The following SUMF1 variants were observed in gnomAD, a reference collection of about 807,000 sequenced individuals.
SUMF1 encodes formylglycine-generating enzyme.
Under a neutral mutation model 47.6 loss-of-function variants are expected in SUMF1, and 48 were observed. The ratio of observed to expected loss-of-function variants is 1.01; its 90% CI spans 0.80 to 1.28. The LOEUF (loss-of-function observed/expected upper bound fraction) is 1.28. Ranked by LOEUF, SUMF1 falls within the 50% of genes most tolerant of loss-of-function variation. The probability of loss-of-function intolerance (pLI) is 0.00; values close to 1 mark genes in which losing one functional copy is unlikely to be tolerated. For missense variants in SUMF1, 571 were observed against 485.4 expected (o/e 1.18, Z -1.66); for synonymous variants, 230 against 192.1 (o/e 1.20, Z -1.63).
chr3:4,044,425 G>A (rs1694969750), intron 9 of SUMF1, among the ~76,000 whole-genome samples: 2 of 152,134 alleles, frequency 1.3e-5, no homozygotes, highest in South Asian at 2.1e-4. Flanking sequence ...TGAAATGGTT[G>A]CCCAAAATGA....
At chr3:4,409,848 T>A (rs183881050) in intron 7 of SUMF1, among the ~76,000 whole-genome samples, 2 of 152,334 alleles carry the variant, frequency 1.3e-5, no homozygotes, top group East Asian at 3.9e-4. Flanking sequence ...GAAGAAAAAT[T>A]AAGCATATCC....
intron 2 of SUMF1, among the ~76,000 whole-genome samples, chr3:4,452,075 C>T (rs557232243): frequency 6.6e-6 from 1 of 151,528 alleles, no homozygotes; most frequent in South Asian, 2.1e-4. Flanking sequence ...TTACTTTAAA[C>T]ATTCACTCTC....
intron 8 of SUMF1, chr3:4,316,237 A>C (rs1314555963): frequency 2.7e-6 from 2 of 734,396 alleles, no homozygotes; most frequent in African/African-American, 3.5e-5. Flanking sequence ...TTAGACAAAA[A>C]GCAAATTCGA....
intron 8 of SUMF1, among the ~76,000 whole-genome samples, chr3:4,081,467 C>T (rs895209829): frequency 6.6e-6 from 1 of 152,224 alleles, no homozygotes; most frequent in African/African-American, 2.4e-5. Flanking sequence ...CAGCTCTTTA[C>T]ATTATACACC....
intron 8 of SUMF1, among the ~76,000 whole-genome samples, chr3:4,285,857 G>A (rs1697622336): frequency 6.6e-6 from 1 of 151,890 alleles, no homozygotes; most frequent in South Asian, 2.1e-4. Context: ...CACTATAATA[G>A]CAATGCAATA....
At chr3:4,145,833 C>G (rs1346758283) in intron 8 of SUMF1, among the ~76,000 whole-genome samples, 1 of 152,128 alleles carries the variant, frequency 6.6e-6, no homozygotes, top group Non-Finnish European at 1.5e-5. Context: ...ATACTTCTGT[C>G]AAAAGGCTTC....
chr3:4,170,279 A>G (rs907359168), intron 8 of SUMF1, among the ~76,000 whole-genome samples: 4 of 152,216 alleles, frequency 2.6e-5, no homozygotes, highest in African/African-American at 9.6e-5. Flanking sequence ...ATCTATATCA[A>G]TGGTTCTCAA....
At chr3:4,198,708 G>C (rs574512597) in intron 8 of SUMF1, among the ~76,000 whole-genome samples, 1 of 151,932 alleles carries the variant, frequency 6.6e-6, no homozygotes, top group Non-Finnish European at 1.5e-5. Context: ...AGATCTGAGG[G>C]GAGCCTACCT....
At chr3:4,312,864 C>G in intron 8 of SUMF1, 1 of 1,558,240 alleles carries the variant, frequency 6.4e-7, no homozygotes, top group Non-Finnish European at 8.7e-7. Flanking sequence ...ATATGACATG[C>G]CGTGCTGACT....
At position 4,068,454 on chromosome 3, in the gene SUMF1, C is replaced by T. The variant is rs566378237; in HGVS notation, c.1191+115G>A. The T allele has an allele frequency of 4.0e-5, 7 of 174,582 alleles. No individual in the cohort carries two copies. The South Asian group carries it at 8.3e-4, about 21-fold the overall frequency. The allele number at this position is 174,582 out of a possible 1,614,324, so 10.8% of individuals were successfully genotyped here. On this transcript the variant is annotated intron_variant and NMD_transcript_variant, in intron 9 of 12. Coordinates refer to the SUMF1 transcript ENST00000448413. ...GTAATTTTAATAATATACTTTAACACAATATGTTCAAAATATTATTTCAAC... is the reference window on the plus strand; with the variant it reads ...GTAATTTTAATAATATACTTTAACATAATATGTTCAAAATATTATTTCAAC...
intron 7 of SUMF1, among the ~76,000 whole-genome samples, chr3:4,399,868 G>A (rs1701152814): frequency 6.6e-6 from 1 of 151,948 alleles, no homozygotes; most frequent in Admixed American, 6.6e-5. Context: ...AGTGATTCTT[G>A]TGCCTTAGCC....
chr3:4,370,896 T>C (rs1194417770), intron 8 of SUMF1, among the ~76,000 whole-genome samples: 1 of 152,194 alleles, frequency 6.6e-6, no homozygotes, highest in Non-Finnish European at 1.5e-5. Context: ...TTTAGTTCTT[T>C]ATTAGATCAC....
intron 8 of SUMF1, among the ~76,000 whole-genome samples, chr3:4,171,875 G>C (rs1456229112): frequency 6.6e-6 from 1 of 151,830 alleles, no homozygotes; most frequent in African/African-American, 2.4e-5. Flanking sequence ...AAGGTGTAGA[G>C]AGGAATGAGA....
intron 8 of SUMF1, among the ~76,000 whole-genome samples, chr3:4,088,033 G>T (rs982302668): frequency 6.6e-6 from 1 of 152,108 alleles, no homozygotes; most frequent in Non-Finnish European, 1.5e-5. Flanking sequence ...CTAAGCAGAA[G>T]TATGGACTAA....
At chr3:4,296,726 G>A (rs932075985) in intron 8 of SUMF1, among the ~76,000 whole-genome samples, 4 of 152,068 alleles carry the variant, frequency 2.6e-5, no homozygotes, top group Non-Finnish European at 4.4e-5. Context: ...GGAACACAGC[G>A]AAACCATATC....
chr3:4,316,634 A>G (rs529899487), intron 8 of SUMF1: 39 of 1,551,220 alleles, frequency 2.5e-5, no homozygotes, highest in Non-Finnish European at 3.1e-5. Flanking sequence ...CTCTTATTCT[A>G]CGCAACCACA....
chr3:4,366,079 G>A (rs1209087205), intron 8 of SUMF1, among the ~76,000 whole-genome samples: 1 of 151,754 alleles, frequency 6.6e-6, no homozygotes, highest in East Asian at 1.9e-4. Context: ...TTTCTGCCGA[G>A]AGATCCGCTG....
chr3:4,166,797 C>G (rs1253859380), intron 8 of SUMF1, among the ~76,000 whole-genome samples: 1 of 152,080 alleles, frequency 6.6e-6, no homozygotes, highest in African/African-American at 2.4e-5. Flanking sequence ...GCTTCCCTCT[C>G]TGTTGACCCT....
intron 8 of SUMF1, among the ~76,000 whole-genome samples, chr3:4,097,694 A>T (rs1692937623): frequency 1.3e-5 from 2 of 152,058 alleles, no homozygotes; most frequent in Non-Finnish European, 2.9e-5. Context: ...TCTAGTAAAG[A>T]CTCTCCAGGA....
Sources: allele counts gnomAD v4.1 joint callset (sites outside exome capture counted in the v4.1 genomes callset), GRCh38; gene constraint gnomAD v4.1.1; transcripts MANE v1.5; gene names NCBI Gene and HGNC (gene_info 2026-07-23, HGNC 2026-07-21).